AGBL4: variants seen among roughly 807,000 people sequenced by gnomAD.
AGBL4 encodes the protein cytosolic carboxypeptidase 6.
A neutral mutation model predicts 66.4 loss-of-function variants in AGBL4; 58 were observed. The ratio of observed to expected loss-of-function variants is 0.87; its 90% CI spans 0.71 to 1.09. The LOEUF is 1.09. AGBL4 is among the 50% of genes least tolerant of loss of function. AGBL4 has a pLI of 0.00. For synonymous variants in AGBL4, 234 were observed against 222.9 expected (o/e 1.05, Z -0.44); for missense variants, 579 against 631.0 (o/e 0.92, Z 0.88).
chr1:48,524,944 A>G, the AGBL4 span, among the ~76,000 whole-genome samples: 1 of 148,582 alleles, frequency 6.7e-6, no homozygotes, highest in Non-Finnish European at 1.5e-5. Context: ...GCTCCACTTT[A>G]TCCAGAAGTT....
intron 6 of AGBL4, among the ~76,000 whole-genome samples, chr1:48,786,589 A>G (rs528178005): frequency 6.6e-6 from 1 of 152,356 alleles, no homozygotes; most frequent in Non-Finnish European, 1.5e-5. Flanking sequence ...TCATGTCTTA[A>G]GTAACTAATA....
intron 3 of AGBL4, among the ~76,000 whole-genome samples, chr1:49,457,220 T>C (rs1040217118): frequency 6.6e-6 from 1 of 151,776 alleles, no homozygotes; most frequent in African/African-American, 2.4e-5. Flanking sequence ...TTTCACCACA[T>C]CCATGTCAAC....
chr1:49,416,041 G>C (rs1645419762), intron 3 of AGBL4, among the ~76,000 whole-genome samples: 1 of 152,024 alleles, frequency 6.6e-6, no homozygotes, highest in African/African-American at 2.4e-5. Context: ...ATTTATCCAG[G>C]GGTCAATGTC....
At chr1:49,220,006 AAGCATGGCTAAGTATCTGGCCC>A (rs1208150103) in intron 4 of AGBL4, among the ~76,000 whole-genome samples, 1 of 152,148 alleles carries the variant, frequency 6.6e-6, no homozygotes. Context: ...AACCTATGTA[AAGCATGGCTAAGTATCTGGCCC>A]ACAGATAGCT....
intron 2 of AGBL4, among the ~76,000 whole-genome samples, chr1:49,701,740 A>T (rs947077595): frequency 2.0e-5 from 3 of 152,132 alleles, no homozygotes; most frequent in African/African-American, 4.8e-5. Flanking sequence ...CTTTAAATTG[A>T]TTGGCTAACA....
intron 1 of AGBL4, among the ~76,000 whole-genome samples, chr1:49,960,724 ATTTTAAGT>A (rs1657052572): frequency 6.6e-6 from 1 of 152,090 alleles, no homozygotes; most frequent in African/African-American, 2.4e-5. Context: ...AATTTTTAAA[ATTTTAAGT>A]TGGTATTATC....
intron 3 of AGBL4, among the ~76,000 whole-genome samples, chr1:49,622,708 C>T (rs567351999): frequency 2.0e-5 from 3 of 148,912 alleles, no homozygotes; most frequent in Admixed American, 6.7e-5. Flanking sequence ...AGATCAAATT[C>T]GAAAATCATT....
intron 2 of AGBL4, among the ~76,000 whole-genome samples, chr1:49,812,989 C>A (rs1557471735): frequency 2.6e-5 from 4 of 152,084 alleles, no homozygotes; most frequent in Admixed American, 2.6e-4. Context: ...ATTTAATGAA[C>A]TAAAAAGCGC....
intron 1 of AGBL4, among the ~76,000 whole-genome samples, chr1:49,928,108 G>A (rs1652974999): frequency 6.6e-6 from 1 of 152,102 alleles, no homozygotes; most frequent in Non-Finnish European, 1.5e-5. Flanking sequence ...ATTGAACATT[G>A]TAGAAGAAAA....
intron 9 of AGBL4, among the ~76,000 whole-genome samples, chr1:48,633,859 G>T (rs1645628004): frequency 6.6e-6 from 1 of 152,128 alleles, no homozygotes; most frequent in African/African-American, 2.4e-5. Flanking sequence ...TTCTGAAATG[G>T]TAGGCCCTCT....
At chr1:49,913,237 C>T (rs540147326) in intron 1 of AGBL4, among the ~76,000 whole-genome samples, 1 of 152,256 alleles carries the variant, frequency 6.6e-6, no homozygotes, top group Admixed American at 6.5e-5. Flanking sequence ...GTGAGCCTGT[C>T]AAATCGAAGC....
At chr1:49,235,603 A>C (rs1265158836) in intron 4 of AGBL4, among the ~76,000 whole-genome samples, 4 of 152,212 alleles carry the variant, frequency 2.6e-5, no homozygotes, top group Non-Finnish European at 5.9e-5. Context: ...ACTATGAATA[A>C]TAATCTCTAT....
intron 5 of AGBL4, among the ~76,000 whole-genome samples, chr1:48,873,043 C>G (rs1330072342): frequency 6.6e-6 from 1 of 152,122 alleles, no homozygotes; most frequent in African/African-American, 2.4e-5. Context: ...TTAAAGCTCT[C>G]CCAGTTTCTA....
At chr1:49,370,394 G>T (rs1037538136) in intron 3 of AGBL4, among the ~76,000 whole-genome samples, 3 of 151,936 alleles carry the variant, frequency 2.0e-5, no homozygotes, top group Non-Finnish European at 4.4e-5. Flanking sequence ...AAAAATTCTG[G>T]CAGGATTTCT....
chr1:49,698,784 CTTCAATA>C (rs969183470), intron 2 of AGBL4, among the ~76,000 whole-genome samples: 2 of 151,982 alleles, frequency 1.3e-5, no homozygotes, highest in African/African-American at 4.8e-5. Flanking sequence ...TTAATATTCA[CTTCAATA>C]TTCAAAGAAA....
chr1:48,699,774 T>A (rs1391021396), intron 6 of AGBL4, among the ~76,000 whole-genome samples: 2 of 152,142 alleles, frequency 1.3e-5, no homozygotes, highest in Non-Finnish European at 2.9e-5. Context: ...TCCTTCCCGT[T>A]TCTATCTTAT....
chr1:49,611,525 G>A (rs1298160030), intron 3 of AGBL4, among the ~76,000 whole-genome samples: 2 of 151,752 alleles, frequency 1.3e-5, no homozygotes, highest in Non-Finnish European at 2.9e-5. Context: ...ACAGGCGTCC[G>A]CCACCATGCC....
intron 4 of AGBL4, among the ~76,000 whole-genome samples, chr1:49,095,839 G>T (rs1645088096): frequency 6.6e-6 from 1 of 150,934 alleles, no homozygotes; most frequent in African/African-American, 2.4e-5. Context: ...ATTGACAAAT[G>T]GGATCTAATT....
intron 3 of AGBL4, among the ~76,000 whole-genome samples, chr1:49,579,646 C>T (rs1355901517): frequency 1.3e-5 from 2 of 152,184 alleles, no homozygotes; most frequent in South Asian, 4.2e-4. Context: ...ACTACAGGCG[C>T]CTGTCACCGT....
Sources: gnomAD v4.1 joint callset for allele counts (sites outside exome capture counted in the v4.1 genomes callset) on GRCh38, gnomAD v4.1.1 for gene constraint, MANE v1.5 for transcripts, NCBI Gene and HGNC (gene_info 2026-07-23, HGNC 2026-07-21) for gene names.